Variants in HTRA1 observed in about 807,000 individuals in gnomAD.
The protein encoded by HTRA1 is serine protease HTRA1.
A neutral mutation model predicts 49.7 loss-of-function variants in HTRA1; 26 were observed. That is an observed-to-expected ratio of 0.52 (90% CI 0.38 to 0.73). The LOEUF (loss-of-function observed/expected upper bound fraction) is 0.73. Among genes scored for constraint, HTRA1 ranks in the 30% least tolerant of loss-of-function variants. HTRA1 has a pLI of 0.00. For missense variants in HTRA1, 561 were observed against 667.2 expected (o/e 0.84, Z 1.75); for synonymous variants, 291 against 286.9 (o/e 1.01, Z -0.14).
intron 1 of HTRA1, among the ~76,000 whole-genome samples, chr10:122,472,254 A>G (rs1378389273): frequency 6.6e-6 from 1 of 151,832 alleles, no homozygotes; most frequent in Non-Finnish European, 1.5e-5. Context: ...ATTTGATGAC[A>G]TATTGTACTA....
intron 1 of HTRA1, among the ~76,000 whole-genome samples, chr10:122,483,375 T>C (rs557726672): frequency 1.3e-5 from 2 of 152,340 alleles, no homozygotes; most frequent in African/African-American, 4.8e-5. Context: ...ATGGGCCATT[T>C]GTTGTGTTAA....
chr10:122,506,675 G>A lies in HTRA1; in HGVS notation c.778-16G>A, dbSNP rs187664854. 1,713 of 1,609,772 alleles carry A rather than the reference G, an allele frequency of 1.1e-3. 10 individuals carry two copies. The highest frequency in any genetic ancestry group is 4.3e-3 in the Middle Eastern group (26 of 6,054). ...AAATTAAACCAACTCAGCAACGCCA[G>A]CCATTGTGGTTTCAGGGCAAGCTGC... On this transcript the variant is annotated splice_polypyrimidine_tract_variant and intron_variant, in intron 3 of 8. Coordinates refer to ENST00000368984, the MANE Select transcript of HTRA1 (RefSeq NM_002775.5). The surrounding 1 kb of genome is among the most constrained non-coding windows in gnomAD (Gnocchi z 5.2).
chr10:122,471,361 G>A (rs1398090522), intron 1 of HTRA1, among the ~76,000 whole-genome samples: 1 of 152,200 alleles, frequency 6.6e-6, no homozygotes, highest in Non-Finnish European at 1.5e-5. Flanking sequence ...GTGGGATTCT[G>A]TGACACTTGT....
intron 8 of HTRA1, among the ~76,000 whole-genome samples, chr10:122,513,174 A>G (rs890833128): frequency 2.0e-5 from 3 of 152,172 alleles, no homozygotes; most frequent in Non-Finnish European, 4.4e-5. Context: ...GTGCTAGCCC[A>G]TGAAGGACCA....
At position 122,461,732 on chromosome 10, in the gene HTRA1, C is replaced by A. The variant is rs1452893240; in HGVS notation, c.80C>A (p.Ala27Asp). ...AAPASAQLSR[A>D]GRSAPLAAGC... ...CCCGCCTCGGCGCAGCTGTCCCGGGCCGGCCGCTCGGCGCCTTTGGCCGCC... is the reference window on the plus strand; with the variant it reads ...CCCGCCTCGGCGCAGCTGTCCCGGGACGGCCGCTCGGCGCCTTTGGCCGCC... The change falls in exon 1 of 9, where the codon GCC becomes GAC. Residue 27 changes from alanine to aspartate, a missense_variant. Physicochemically the swap from Ala to Asp is moderately radical, Grantham distance 126. Around this residue, in one of 3 missense-constraint regions of HTRA1, gnomAD observed 111 missense variants for 83.7 expected, o/e 1.33. Coordinates refer to ENST00000368984, the MANE Select transcript of HTRA1 (RefSeq NM_002775.5). 6.0e-6 allele frequency: 7 copies of A among 1,175,548 alleles called. No individual in the cohort carries two copies. The highest frequency in any genetic ancestry group is 7.4e-6 in the Non-Finnish European group (7 of 941,832). The allele number at this position is 1,175,548 out of a possible 1,614,324, so 72.8% of individuals were successfully genotyped here. A position where few individuals can be genotyped will look rare whatever the true frequency, so the allele number is the denominator to read the frequency against.
At position 122,464,483 on chromosome 10, in the gene HTRA1, C is replaced by T. The variant is rs890574159; in HGVS notation, c.472+2359C>T. On this transcript the variant is annotated intron_variant, in intron 1 of 8. Transcript: ENST00000368984. The surrounding 1 kb of genome is among the most constrained non-coding windows in gnomAD (Gnocchi z 4.8). ...TTATTGAGCTCTGTAGGGTGTCTGACACCGTTTGCATGTTTGTCTGTCTGG... is the reference window on the plus strand; with the variant it reads ...TTATTGAGCTCTGTAGGGTGTCTGATACCGTTTGCATGTTTGTCTGTCTGG... 3.9e-5 allele frequency among the ~76,000 whole-genome samples: 6 copies of T among 152,204 alleles called. No individual in the cohort carries two copies. The highest frequency in any genetic ancestry group is 1.4e-4 in the African/African-American group (6 of 41,440).
At chr10:122,476,406 C>T (rs1809004156) in intron 1 of HTRA1, among the ~76,000 whole-genome samples, 1 of 152,228 alleles carries the variant, frequency 6.6e-6, no homozygotes, top group Non-Finnish European at 1.5e-5. Context: ...AACCACCTGC[C>T]TCCATCTGGG....
chr10:122,473,325 C>T lies in HTRA1; in HGVS notation c.472+11201C>T, dbSNP rs115182788. Among the ~76,000 whole-genome samples the T allele has an allele frequency of 6.7e-3, 1,023 of 152,194 alleles. 14 individuals carry two copies. Among genetic ancestry groups the T allele is most frequent in the African/African-American group, 0.024 (992 of 41,506 alleles). ...AGGCTGGAGGTCACAAGCTAAGAGG[C>T]GACAGAGAACCCAGGTCTCAGGAAG... On this transcript the variant is annotated intron_variant, in intron 1 of 8. Coordinates refer to ENST00000368984, the MANE Select transcript of HTRA1 (RefSeq NM_002775.5).
intron 6 of HTRA1, 79 bp from the exon 7 acceptor site, chr10:122,510,016 AT>A (rs1231771719): frequency 4.9e-6 from 6 of 1,227,086 alleles, no homozygotes; most frequent in Non-Finnish European, 7.2e-6. Flanking sequence ...AACCTGGGGG[AT>A]TGGGCCCCCG....
chr10:122,514,307 G>C lies in HTRA1; in HGVS notation c.1391G>C (p.Arg464Thr), dbSNP rs1214649621. 1 of 1,614,190 alleles carries C rather than the reference G, an allele frequency of 6.2e-7. No individual in the cohort carries two copies. The highest frequency in any genetic ancestry group is 8.5e-7 in the Non-Finnish European group (1 of 1,180,026). Residue 464 changes from arginine (R) to threonine (T), a missense_variant, in exon 9 of 9, where the codon AGG becomes ACG. This residue lies in a region of HTRA1 where 179 missense variants were observed against 173.4 expected (regional missense o/e 1.03). Transcript: ENST00000368984. Reference protein sequence around the residue: ...RESTLNMVVRRGNEDIMITVI... With the variant: ...RESTLNMVVRTGNEDIMITVI... ...AGCACCCTGAACATGGTGGTCCGCA[G>C]GGGTAATGAAGATATCATGATCACA...
intron 3 of HTRA1, among the ~76,000 whole-genome samples, chr10:122,492,219 C>T (rs953194175): frequency 5.3e-5 from 8 of 152,174 alleles, no homozygotes; most frequent in South Asian, 2.1e-4. Flanking sequence ...GACTGCCTGC[C>T]GCGTCCGTGG....
In HTRA1 at chr10:122,464,633, C is replaced by T. The variant is rs570910046; in HGVS notation, c.472+2509C>T. 1.2e-4 allele frequency among the ~76,000 whole-genome samples: 19 copies of T among 152,310 alleles called. No homozygotes were observed. In the South Asian group the frequency reaches 2.5e-3, roughly 20 times the overall value. On this transcript the variant is annotated intron_variant, in intron 1 of 8. Transcript: ENST00000368984. This position sits in a 1 kb window ranked among gnomAD's most constrained non-coding sequence, Gnocchi z 4.8. Reference sequence around the variant, plus strand: ...CTTAGTGGAAGGCACTGCTTTGCTGCGCCCCCTCTCTGGATCTCACACTCC... The same window carrying T: ...CTTAGTGGAAGGCACTGCTTTGCTGTGCCCCCTCTCTGGATCTCACACTCC...
Position 122,461,673 on chromosome 10 carries a change from T to C in HTRA1, c.21T>C (p.Ala7=). 2.3e-6 allele frequency: 3 copies of C among 1,314,518 alleles called. No individual in the cohort carries two copies. Among genetic ancestry groups the C allele is most frequent in the South Asian group, 2.7e-5 (2 of 73,830 alleles). 81.4% of individuals were successfully genotyped at this position (1,314,518 alleles called of 1,614,324 possible). A position where few individuals can be genotyped will look rare whatever the true frequency, so the allele number is the denominator to read the frequency against. ...TCGCCATGCAGATCCCGCGCGCCGC[T>C]CTTCTCCCGCTGCTGCTGCTGCTGC... MQIPRA[A]LLPLLLLLLA... Residue 7 remains alanine (A), a synonymous_variant, in exon 1 of 9, where the codon GCT becomes GCC. Coordinates refer to ENST00000368984, the MANE Select transcript of HTRA1 (RefSeq NM_002775.5).
chr10:122,482,202 T>C (rs1168068785), intron 1 of HTRA1, among the ~76,000 whole-genome samples: 2 of 152,208 alleles, frequency 1.3e-5, no homozygotes, highest in Non-Finnish European at 2.9e-5. Context: ...GAATGGGATA[T>C]GTGCACCTGT....
chr10:122,471,011 T>C (rs531169406), intron 1 of HTRA1, among the ~76,000 whole-genome samples: 2 of 152,122 alleles, frequency 1.3e-5, no homozygotes, highest in Admixed American at 6.5e-5. Flanking sequence ...GTCCAGAACA[T>C]CAGCATCCCA....
chr10:122,507,948 CTAGAGGGCAGCTCTGGGGCCATTTA>C (rs879414901), intron 5 of HTRA1, among the ~76,000 whole-genome samples: 49 of 136,980 alleles, frequency 3.6e-4, no homozygotes, highest in African/African-American at 9.4e-4. Context: ...ACCAGCAGAG[CTAGAGGGCAGCTCTGGGGCCATTTA>C]TAGAGGGCAG....
intron 3 of HTRA1, among the ~76,000 whole-genome samples, chr10:122,498,861 C>T (rs2736922): frequency 0.82 from 124,901 of 152,200 alleles, 51,764 homozygotes; most frequent in Non-Finnish European, 0.89. Flanking sequence ...GGCTTTAGCT[C>T]AGGCTGGATT....
chr10:122,493,239 G>A (rs936741861), intron 3 of HTRA1, among the ~76,000 whole-genome samples: 6 of 152,176 alleles, frequency 3.9e-5, no homozygotes, highest in African/African-American at 1.4e-4. Context: ...GCCCCGGCCA[G>A]GCATCCCTTT....
chr10:122,496,946 A>C (rs941756829), intron 3 of HTRA1, among the ~76,000 whole-genome samples: 1 of 152,226 alleles, frequency 6.6e-6, no homozygotes, highest in African/African-American at 2.4e-5. Flanking sequence ...GGAAAGCTCC[A>C]GTGTCTTAAG....
Sources: gnomAD v4.1 joint callset for allele counts (sites outside exome capture counted in the v4.1 genomes callset) on GRCh38, gnomAD v4.1.1 for gene constraint, gnomAD v4.1.1 regional missense constraint, Gnocchi (gnomAD v3.1) non-coding constraint, MANE v1.5 for transcripts, NCBI Gene and HGNC (gene_info 2026-07-23, HGNC 2026-07-21) for gene names.